PRKACB: variants seen among roughly 807,000 people sequenced by gnomAD.
PRKACB encodes protein kinase cAMP-activated catalytic subunit beta.
PRKACB carries 16 observed loss-of-function variants against 51.4 expected under a neutral mutation model. The observed-to-expected ratio is 0.31, with a 90% CI of 0.21 to 0.47. The LOEUF (loss-of-function observed/expected upper bound fraction) is 0.47. Ranked by LOEUF, PRKACB falls within the 20% of genes least tolerant of loss-of-function variation. The pLI is 1.00. For synonymous variants in PRKACB, 147 were observed against 154.4 expected, an observed-to-expected ratio of 0.95 and a Z score of 0.35; for missense variants, 309 against 464.5, an observed-to-expected ratio of 0.67 and a Z score of 3.08.
At chr1:84,165,775 G>C (rs1657239431) in intron 1 of PRKACB, among the ~76,000 whole-genome samples, 2 of 151,716 alleles carry the variant, frequency 1.3e-5, no homozygotes, top group African/African-American at 4.8e-5. Flanking sequence ...TAGATATCCT[G>C]TTGTTAGAGT....
chr1:84,138,249 G>T (rs1261157879), intron 1 of PRKACB, among the ~76,000 whole-genome samples: 3 of 152,156 alleles, frequency 2.0e-5, no homozygotes, highest in Non-Finnish European at 4.4e-5. Context: ...CATACACAGT[G>T]ATGGAGGTAT....
intron 2 of PRKACB, chr1:84,181,751 G>C: frequency 6.9e-7 from 1 of 1,456,582 alleles, no homozygotes; most frequent in Middle Eastern, 1.7e-4. Flanking sequence ...AAAGAGCTCT[G>C]ATCCCTCAGT....
intron 9 of PRKACB, among the ~76,000 whole-genome samples, chr1:84,229,262 C>G (rs1200673757): frequency 3.4e-3 from 346 of 100,548 alleles, no homozygotes; most frequent in African/African-American, 5.6e-3. Context: ...GACATGAACT[C>G]ATCATTTTTT....
rs189799177 is a variant in PRKACB at position 84,104,482 on chromosome 1, C to T, written c.46+26111C>T. Among the ~76,000 whole-genome samples, 111 of 152,048 alleles carry T rather than the reference C, an allele frequency of 7.3e-4. 1 individual carries two copies. Among genetic ancestry groups the T allele is most frequent in the South Asian group, 6.2e-4 (3 of 4,810 alleles). ...TCTCTTCAATATACTGATTTCCTTCCGTTTGCATTAATAGCCAGCATTGGG... is the reference window on the plus strand; with the variant it reads ...TCTCTTCAATATACTGATTTCCTTCTGTTTGCATTAATAGCCAGCATTGGG... On this transcript the variant is annotated intron_variant, in intron 1 of 8. Transcript: ENST00000370688.
At chr1:84,173,334 A>T in intron 1 of PRKACB, 1 of 1,574,554 alleles carries the variant, frequency 6.4e-7, no homozygotes, top group Non-Finnish European at 8.6e-7. Flanking sequence ...TCAAGCACGC[A>T]AATCATCAGA....
intron 9 of PRKACB, among the ~76,000 whole-genome samples, chr1:84,232,977 G>C (rs1347538733): frequency 6.6e-6 from 1 of 151,456 alleles, no homozygotes; most frequent in Non-Finnish European, 1.5e-5. Flanking sequence ...TTGTTATTTT[G>C]CTCGTTAGTT....
intron 8 of PRKACB, 81 bp from the exon 9 acceptor site, chr1:84,214,072 G>GAAA: frequency 1.5e-6 from 2 of 1,356,600 alleles, no homozygotes; most frequent in African/African-American, 3.0e-5. Context: ...TTGTTGCCTT[G>GAAA]AAAAAAAAAC....
At chr1:84,208,587 A>C (rs1355419800) in intron 8 of PRKACB, among the ~76,000 whole-genome samples, 2 of 152,232 alleles carry the variant, frequency 1.3e-5, no homozygotes, top group Non-Finnish European at 2.9e-5. Flanking sequence ...CTTTTCTAGC[A>C]CAGACTGTCC....
chr1:84,148,849 C>G (rs1439320701), intron 1 of PRKACB, among the ~76,000 whole-genome samples: 2 of 152,152 alleles, frequency 1.3e-5, no homozygotes, highest in Non-Finnish European at 2.9e-5. Flanking sequence ...ATCAACTGTA[C>G]TAACATAACG....
In PRKACB at chr1:84,179,952, C is replaced by T. The variant is rs373899758; in HGVS notation, c.249+714C>T. Among the ~76,000 whole-genome samples, 11 of 149,020 alleles carry T rather than the reference C, an allele frequency of 7.4e-5. No homozygotes were observed. In the East Asian group the frequency reaches 1.2e-3, roughly 16 times the overall value. ...TAATGCTATCCCTCCCCTAGCCCCC[C>T]ACCCCGCGACAGGCCCCGGTGTGTG... is the stretch of plus-strand genomic sequence containing the variant. On this transcript the variant is annotated intron_variant, in intron 2 of 9. Transcript: ENST00000370685.
rs1488288387 is a variant in PRKACB at position 84,229,960 on chromosome 1, G to T, written c.1072-5220G>T. ...AATTAGATCCCATTTGTCAATTTTG[G>T]CTTTTGTTGCCATTGCTTTTGGTGT... On this transcript the variant is annotated intron_variant, in intron 9 of 9. Coordinates refer to ENST00000370685, the MANE Select transcript of PRKACB (RefSeq NM_182948.4). Among the ~76,000 whole-genome samples the T allele has an allele frequency of 3.7e-4, 56 of 150,412 alleles. No homozygotes were observed. In the South Asian group the frequency reaches 3.8e-3, roughly 10 times the overall value.
In PRKACB at chr1:84,189,451, C is replaced by G. The variant is rs116823572; in HGVS notation, c.560+4269C>G. 2.2e-3 allele frequency among the ~76,000 whole-genome samples: 312 copies of G among 141,934 alleles called. 3 individuals are homozygous for G. The highest frequency in any genetic ancestry group is 7.8e-3 in the African/African-American group (298 of 38,342). 93.1% of individuals were successfully genotyped at this position (141,934 alleles called of 152,430 possible). A position where few individuals can be genotyped will look rare whatever the true frequency, so the allele number is the denominator to read the frequency against. On this transcript the variant is annotated intron_variant, in intron 5 of 9. Coordinates refer to ENST00000370685, the MANE Select transcript of PRKACB (RefSeq NM_182948.4). ...TTCTGCATCAGGCCATAACAAAGTT[C>G]AAACTGAAAAAAAAAAAAAAGTTCT...
In PRKACB at chr1:84,235,531, T is replaced by G; in HGVS notation, c.*226T>G. ...TGCCATAACACAGTACTAGACCACT[T>G]TCTTACTTCTCTTTGGGTTGTCTTT... is the stretch of plus-strand genomic sequence containing the variant. On this transcript the variant is annotated 3_prime_UTR_variant, in exon 10 of 10. Transcript: ENST00000370685. 4.5e-6 allele frequency: 2 copies of G among 446,916 alleles called. No homozygotes were observed. The highest frequency in any genetic ancestry group is 3.9e-6 in the Non-Finnish European group (1 of 254,316). The allele number at this position is 446,916 out of a possible 1,614,324, so 27.7% of individuals were successfully genotyped here.
chr1:84,147,217 T>C (rs1654223107), intron 1 of PRKACB, among the ~76,000 whole-genome samples: 1 of 152,028 alleles, frequency 6.6e-6, no homozygotes. Flanking sequence ...CAAATCCATT[T>C]TAGTAAATCT....
rs933023675 is a variant in PRKACB, at chr1:84,173,272, C to A, written c.188-5905C>A. On this transcript the variant is annotated intron_variant, in intron 1 of 9. Transcript: ENST00000370685. ...GTGAACATGTATAGATGGGTAACTTCTTGTAGGTATGTTATTTTATGTGTT... is the reference window on the plus strand; with the variant it reads ...GTGAACATGTATAGATGGGTAACTTATTGTAGGTATGTTATTTTATGTGTT... 2.8e-6 allele frequency: 4 copies of A among 1,407,314 alleles called. No homozygotes were observed. The African/African-American group carries it at 4.3e-5, about 15-fold the overall frequency. The allele number at this position is 1,407,314 out of a possible 1,614,324, so 87.2% of individuals were successfully genotyped here. A position where few individuals can be genotyped will look rare whatever the true frequency, so the allele number is the denominator to read the frequency against.
intron 9 of PRKACB, among the ~76,000 whole-genome samples, chr1:84,232,511 G>T (rs1675880485): frequency 6.6e-6 from 1 of 152,116 alleles, no homozygotes; most frequent in Non-Finnish European, 1.5e-5. Flanking sequence ...TGACAGTGGG[G>T]TGTTAAAGTC....
intron 1 of PRKACB, chr1:84,078,498 C>A: frequency 1.8e-6 from 2 of 1,100,376 alleles, no homozygotes; most frequent in South Asian, 1.6e-5. Flanking sequence ...GGGAGTCGTT[C>A]TGGGGGGCCG....
rs12039234 is a variant in PRKACB, at chr1:84,082,491, C to T, written c.46+4120C>T. 3.3e-5 allele frequency among the ~76,000 whole-genome samples: 5 copies of T among 152,258 alleles called. No individual in the cohort carries two copies. In the East Asian group the frequency reaches 7.7e-4, roughly 23 times the overall value. On this transcript the variant is annotated intron_variant, in intron 1 of 8. Transcript: ENST00000370688. ...TATGTACTTAAAGCCTTAATTACTACAGTACTTATATTTATTTTTTCCCAT... is the reference window on the plus strand; with the variant it reads ...TATGTACTTAAAGCCTTAATTACTATAGTACTTATATTTATTTTTTCCCAT...
chr1:84,197,857 A>C (rs1402822960), intron 7 of PRKACB, 33 bp downstream of exon 7: 1 of 1,470,746 alleles, frequency 6.8e-7, no homozygotes, highest in Non-Finnish European at 9.4e-7. Flanking sequence ...TAAGAAGTAG[A>C]AATATGAGAC....
Sources: allele counts gnomAD v4.1 joint callset (sites outside exome capture counted in the v4.1 genomes callset), GRCh38; gene constraint gnomAD v4.1.1; transcripts MANE v1.5; gene names NCBI Gene and HGNC (gene_info 2026-07-23, HGNC 2026-07-21).